The following FBXL17 variants were observed in gnomAD, a reference collection of about 807,000 sequenced individuals.
FBXL17 encodes the protein F-box and leucine rich repeat protein 17.
A neutral mutation model predicts 66.2 loss-of-function variants in FBXL17; 22 were observed. That is an observed-to-expected ratio of 0.33 (90% CI 0.24 to 0.47). The LOEUF (loss-of-function observed/expected upper bound fraction) is 0.47. Ranked by LOEUF, FBXL17 falls within the 20% of genes least tolerant of loss-of-function variation. The pLI is 1.00. For missense variants in FBXL17, 878 were observed against 948.2 expected (o/e 0.93, Z 0.97); for synonymous variants, 474 against 400.5 (o/e 1.18, Z -2.19).
At chr5:107,870,256 T>C (rs755701232) in intron 8 of FBXL17, among the ~76,000 whole-genome samples, 1 of 152,172 alleles carries the variant, frequency 6.6e-6, no homozygotes, top group Non-Finnish European at 1.5e-5. Flanking sequence ...CCTGCCCACT[T>C]CCCATGACAT....
Position 107,950,591 on chromosome 5 carries a change from T to C in FBXL17, c.1823-69412A>G, listed in dbSNP as rs979485878. ...CGTTAGAAACTTTTGGGTACAGTAC[T>C]CCACTCAGATGTCTCATATGGTCTC... is the stretch of plus-strand genomic sequence containing the variant. On this transcript the variant is annotated intron_variant, in intron 7 of 8. Transcript: ENST00000542267. Among the ~76,000 whole-genome samples, 49 of 152,174 alleles carry C rather than the reference T, an allele frequency of 3.2e-4. 1 individual carries two copies. Among genetic ancestry groups the C allele is most frequent in the Non-Finnish European group, 8.8e-5 (6 of 68,022 alleles).
chr5:108,352,645 G>A (rs1747727056), intron 3 of FBXL17, among the ~76,000 whole-genome samples: 1 of 151,956 alleles, frequency 6.6e-6, no homozygotes, highest in Admixed American at 6.6e-5. Flanking sequence ...CGAGTAGCTG[G>A]GACTACAGGC....
intron 4 of FBXL17, among the ~76,000 whole-genome samples, chr5:108,265,068 A>G (rs967326304): frequency 2.0e-5 from 3 of 152,056 alleles, no homozygotes; most frequent in African/African-American, 7.2e-5. Context: ...AAAAGAAGCA[A>G]CAGAATAATT....
At chr5:108,275,584 G>A (rs1757452021) in intron 4 of FBXL17, among the ~76,000 whole-genome samples, 2 of 152,166 alleles carry the variant, frequency 1.3e-5, no homozygotes, top group African/African-American at 4.8e-5. Context: ...TATCAATGAA[G>A]TGCTACCTGT....
chr5:108,362,079 T>C (rs1227767414), intron 3 of FBXL17, among the ~76,000 whole-genome samples: 1 of 152,184 alleles, frequency 6.6e-6, no homozygotes, highest in Non-Finnish European at 1.5e-5. Flanking sequence ...GATCTGATAG[T>C]TTAGGCTTGT....
Position 108,246,170 on chromosome 5 carries a change from C to G in FBXL17, c.1507-21942G>C, listed in dbSNP as rs1026349994. ...ACTCTCCCAGCACAAATCTCTCCCCCCTCCTCATAATTTCAAAAGATACAC... is the reference window on the plus strand; with the variant it reads ...ACTCTCCCAGCACAAATCTCTCCCCGCTCCTCATAATTTCAAAAGATACAC... On this transcript the variant is annotated intron_variant, in intron 4 of 8. Transcript: ENST00000542267. Among the ~76,000 whole-genome samples, 5 of 152,110 alleles carry G rather than the reference C, an allele frequency of 3.3e-5. No individual in the cohort carries two copies. In the East Asian group the frequency reaches 5.8e-4, roughly 18 times the overall value.
intron 4 of FBXL17, among the ~76,000 whole-genome samples, chr5:108,276,115 C>T (rs1350470512): frequency 6.6e-6 from 1 of 152,132 alleles, no homozygotes; most frequent in African/African-American, 2.4e-5. Flanking sequence ...AAGTACGAAA[C>T]AAAATGCTTA....
intron 5 of FBXL17, among the ~76,000 whole-genome samples, chr5:108,217,989 T>TA (rs745843175): frequency 9.9e-5 from 15 of 151,702 alleles, no homozygotes; most frequent in Non-Finnish European, 2.1e-4. Flanking sequence ...CCATTGTGTG[T>TA]ATATACCATA....
intron 7 of FBXL17, among the ~76,000 whole-genome samples, chr5:108,000,240 G>A (rs1753666186): frequency 6.6e-6 from 1 of 152,162 alleles, no homozygotes; most frequent in African/African-American, 2.4e-5. Context: ...TGGCAACCCT[G>A]AAGATGAGCT....
chr5:108,030,704 A>G (rs116024780), intron 6 of FBXL17, among the ~76,000 whole-genome samples: 1 of 152,280 alleles, frequency 6.6e-6, no homozygotes, highest in Non-Finnish European at 1.5e-5. Context: ...ATAAAGGCAT[A>G]ACATTCTGGC....
chr5:107,957,759 T>G (rs1406111885), intron 7 of FBXL17, among the ~76,000 whole-genome samples: 1 of 152,214 alleles, frequency 6.6e-6, no homozygotes, highest in Non-Finnish European at 1.5e-5. Flanking sequence ...TTTGACTGCC[T>G]AGGCCATAAT....
intron 4 of FBXL17, among the ~76,000 whole-genome samples, chr5:108,291,291 C>T (rs895695732): frequency 6.6e-6 from 1 of 152,102 alleles, no homozygotes; most frequent in African/African-American, 2.4e-5. Context: ...AAATAGTTCA[C>T]CTAGCTGAGT....
At chr5:108,049,554 A>C (rs2112819745) in intron 6 of FBXL17, among the ~76,000 whole-genome samples, 1 of 152,270 alleles carries the variant, frequency 6.6e-6, no homozygotes, top group Non-Finnish European at 1.5e-5. Context: ...TTTTGTCACC[A>C]CCAGGCCTGC....
intron 7 of FBXL17, among the ~76,000 whole-genome samples, chr5:107,937,897 A>T (rs1237719105): frequency 6.6e-6 from 1 of 152,180 alleles, no homozygotes; most frequent in African/African-American, 2.4e-5. Flanking sequence ...GAGTCGGCAG[A>T]CAGGGTGTGC....
chr5:108,049,805 G>A (rs1747402013), intron 6 of FBXL17, among the ~76,000 whole-genome samples: 1 of 152,162 alleles, frequency 6.6e-6, no homozygotes, highest in Admixed American at 6.5e-5. Flanking sequence ...ACTGGATAAG[G>A]AGTCAAGACC....
intron 4 of FBXL17, among the ~76,000 whole-genome samples, chr5:108,341,077 G>C (rs986754642): frequency 2.6e-5 from 4 of 152,154 alleles, no homozygotes; most frequent in African/African-American, 9.7e-5. Flanking sequence ...TACTGCCTCT[G>C]ATAGTAAAAC....
intron 6 of FBXL17, among the ~76,000 whole-genome samples, chr5:108,153,607 C>A (rs965334794): frequency 6.6e-6 from 1 of 152,174 alleles, no homozygotes; most frequent in South Asian, 2.1e-4. Context: ...TAGGTGGTAA[C>A]CCCACAGTTC....
intron 6 of FBXL17, among the ~76,000 whole-genome samples, chr5:108,158,833 G>A (rs944725155): frequency 6.6e-5 from 10 of 152,148 alleles, no homozygotes; most frequent in African/African-American, 2.4e-4. Flanking sequence ...GAAATATTCA[G>A]ATTAGGGAAT....
intron 6 of FBXL17, among the ~76,000 whole-genome samples, chr5:108,046,029 T>C (rs1200618501): frequency 1.3e-5 from 2 of 152,234 alleles, no homozygotes; most frequent in African/African-American, 2.4e-5. Flanking sequence ...TTCTAATTGT[T>C]CTACCAATTG....
Sources: gnomAD v4.1 joint callset for allele counts (sites outside exome capture counted in the v4.1 genomes callset) on GRCh38, gnomAD v4.1.1 for gene constraint, MANE v1.5 for transcripts, NCBI Gene and HGNC (gene_info 2026-07-23, HGNC 2026-07-21) for gene names.